Variants in ANXA10 observed in about 807,000 individuals in gnomAD.
The protein encoded by ANXA10 is annexin 14.
In ANXA10, 49 loss-of-function variants were observed where a neutral mutation model predicts 53.5. The observed-to-expected ratio is 0.92, with a 90% confidence interval of 0.73 to 1.16. ANXA10 has a LOEUF of 1.16. Ranked by LOEUF, ANXA10 falls within the 50% of genes most tolerant of loss-of-function variation. The pLI, the probability that ANXA10 is intolerant of heterozygous loss-of-function variation, is 0.00. For missense variants in ANXA10, 393 were observed against 394.4 expected, an observed-to-expected ratio of 1.00 and a Z score of 0.03; for synonymous variants, 131 against 128.9, an observed-to-expected ratio of 1.02 and a Z score of -0.11.
At chr4:168,094,188 T>C (rs1251593100) in intron 1 of ANXA10, among the ~76,000 whole-genome samples, 1 of 152,172 alleles carries the variant, frequency 6.6e-6, no homozygotes, top group East Asian at 1.9e-4. Flanking sequence ...TCTGGGATTA[T>C]TAAACATTAC....
At chr4:168,130,747 G>A (rs1731143940) in intron 2 of ANXA10, among the ~76,000 whole-genome samples, 1 of 151,908 alleles carries the variant, frequency 6.6e-6, no homozygotes, top group South Asian at 2.1e-4. Flanking sequence ...TGGTCTTAGA[G>A]TTATTAATAA....
At chr4:168,155,969 TTATATGATATATCATATATTATAC>T (rs1411391980) in intron 3 of ANXA10, among the ~76,000 whole-genome samples, 1 of 59,076 alleles carries the variant, frequency 1.7e-5, no homozygotes, top group Non-Finnish European at 2.8e-5. Flanking sequence ...ATATATTATA[TTATATGATATATCATATATTATAC>T]ATAATTTATA....
rs751709412 is a variant in ANXA10, at chr4:168,162,555, C to G, written c.223C>G (p.Leu75Val). The change falls in exon 4 of 12, where the codon CTT (leucine) becomes GTT (valine). Residue 75 changes from leucine to valine, a missense_variant. By Grantham distance (32) the Leu-to-Val change is conservative. Coordinates refer to ENST00000359299, the MANE Select transcript of ANXA10 (RefSeq NM_007193.5). ...RDLIGDMREQ[L>V]SDHFKDVMAG... ...CCTGATTGGGGATATGAGGGAGCAG[C>G]TTTCGGATCACTTCAAAGATGTGAT... The G allele has an allele frequency of 6.2e-7, 1 of 1,613,894 alleles. No individual in the cohort carries two copies. The highest frequency in any genetic ancestry group is 8.5e-7 in the Non-Finnish European group (1 of 1,179,858).
At chr4:168,152,623 C>G (rs1731516429) in intron 3 of ANXA10, among the ~76,000 whole-genome samples, 1 of 151,688 alleles carries the variant, frequency 6.6e-6, no homozygotes, top group Non-Finnish European at 1.5e-5. Context: ...GGATCACACT[C>G]TCAAGGTTGT....
chr4:168,100,777 T>G (rs1730626571), intron 1 of ANXA10, among the ~76,000 whole-genome samples: 1 of 152,146 alleles, frequency 6.6e-6, no homozygotes, highest in African/African-American at 2.4e-5. Context: ...AACTTTTTGT[T>G]TTGGGAACAT....
chr4:168,096,330 C>T (rs1314160521), intron 1 of ANXA10, among the ~76,000 whole-genome samples: 2 of 152,146 alleles, frequency 1.3e-5, no homozygotes, highest in African/African-American at 2.4e-5. Context: ...TTGCTTTTCA[C>T]TATCACAAGA....
At chr4:168,145,035 A>G (rs1731384614) in intron 3 of ANXA10, among the ~76,000 whole-genome samples, 1 of 152,156 alleles carries the variant, frequency 6.6e-6, no homozygotes, top group East Asian at 1.9e-4. Flanking sequence ...GAAAGTGTGG[A>G]GTGCTGATTG....
chr4:168,161,541 A>G (rs1054677380), intron 3 of ANXA10, among the ~76,000 whole-genome samples: 3 of 152,088 alleles, frequency 2.0e-5, no homozygotes, highest in Non-Finnish European at 4.4e-5. Context: ...TTGGCTATTC[A>G]GGCTCTTTTT....
chr4:168,146,840 A>G (rs558252420), intron 3 of ANXA10, among the ~76,000 whole-genome samples: 25 of 152,372 alleles, frequency 1.6e-4, no homozygotes, highest in South Asian at 1.0e-3. Flanking sequence ...CCAAGAGTGA[A>G]TAAAAACATT....
At chr4:168,142,971 GT>G (rs1380381436) in intron 3 of ANXA10, among the ~76,000 whole-genome samples, 1 of 152,182 alleles carries the variant, frequency 6.6e-6, no homozygotes, top group Non-Finnish European at 1.5e-5. Flanking sequence ...CCCAGCCCAG[GT>G]CTGGCATAGA....
At chr4:168,144,602 C>G (rs1208453725) in intron 3 of ANXA10, among the ~76,000 whole-genome samples, 1 of 152,142 alleles carries the variant, frequency 6.6e-6, no homozygotes, top group African/African-American at 2.4e-5. Flanking sequence ...TGGTCAGGTG[C>G]AAGAGGGACA....
intron 3 of ANXA10, among the ~76,000 whole-genome samples, chr4:168,159,649 A>G (rs1432166683): frequency 6.6e-6 from 1 of 152,152 alleles, no homozygotes; most frequent in Non-Finnish European, 1.5e-5. Flanking sequence ...CATTTCAACT[A>G]AATTTTAAAA....
chr4:168,144,024 G>T (rs1035707377), intron 3 of ANXA10, among the ~76,000 whole-genome samples: 10 of 152,146 alleles, frequency 6.6e-5, no homozygotes, highest in African/African-American at 1.7e-4. Flanking sequence ...CCCTATGCTA[G>T]AGCTCCAGAT....
intron 1 of ANXA10, among the ~76,000 whole-genome samples, chr4:168,110,453 T>TG (rs1730790341): frequency 6.6e-6 from 1 of 151,526 alleles, no homozygotes; most frequent in Non-Finnish European, 1.5e-5. Flanking sequence ...TCTTTTTTTT[T>TG]TTTTTTTGAG....
In ANXA10 at chr4:168,179,213, A is replaced by G. The variant is rs1490614374; in HGVS notation, c.629-4A>G. The G allele has an allele frequency of 6.3e-7, 1 of 1,580,610 alleles. No homozygotes were observed. The highest frequency in any genetic ancestry group is 8.7e-7 in the Non-Finnish European group (1 of 1,153,404). ...CTCCTTTGAATTACATCAATTTGTT[A>G]AAGTTTTCCAGGAATTTCAAAATAT... On this transcript the variant is annotated splice_polypyrimidine_tract_variant and splice_region_variant and intron_variant, in intron 8 of 11. Coordinates refer to ENST00000359299, the MANE Select transcript of ANXA10 (RefSeq NM_007193.5).
intron 10 of ANXA10, among the ~76,000 whole-genome samples, chr4:168,182,451 C>A (rs1732270665): frequency 6.8e-6 from 1 of 147,448 alleles, no homozygotes; most frequent in Non-Finnish European, 1.5e-5. Flanking sequence ...CTGCCTCAGC[C>A]TCCCAAGTAG....
chr4:168,117,729 A>C (rs1452925274), intron 1 of ANXA10, among the ~76,000 whole-genome samples: 1 of 152,216 alleles, frequency 6.6e-6, no homozygotes, highest in Non-Finnish European at 1.5e-5. Context: ...AATTGAAATA[A>C]ATGTGAGCTA....
At chr4:168,178,160 G>T in intron 8 of ANXA10, 177 bp downstream of exon 8, 2 of 565,854 alleles carry the variant, frequency 3.5e-6, no homozygotes, top group Admixed American at 3.3e-5. Flanking sequence ...CATTACTAAG[G>T]AATAAATATT....
intron 9 of ANXA10, among the ~76,000 whole-genome samples, chr4:168,180,293 C>T (rs1440494503): frequency 1.3e-5 from 2 of 152,050 alleles, no homozygotes; most frequent in Non-Finnish European, 2.9e-5. Context: ...CATCAAAATC[C>T]TTCATTTTAT....
Sources: allele counts gnomAD v4.1 joint callset (sites outside exome capture counted in the v4.1 genomes callset), GRCh38; gene constraint gnomAD v4.1.1; transcripts MANE v1.5; gene names NCBI Gene and HGNC (gene_info 2026-07-23, HGNC 2026-07-21).